Variants in RTN4R observed in about 807,000 individuals in gnomAD.
The protein encoded by RTN4R is reticulon-4 receptor.
RTN4R carries 4 observed loss-of-function variants against 27.7 expected under a neutral mutation model. The observed-to-expected ratio is 0.14, with a 90% CI of 0.07 to 0.33. The LOEUF (loss-of-function observed/expected upper bound fraction) is 0.33. Ranked by LOEUF, RTN4R falls within the 10% of genes least tolerant of loss-of-function variation. The pLI is 1.00. For missense variants in RTN4R, 554 were observed against 671.5 expected, an observed-to-expected ratio of 0.83 and a Z score of 1.93; for synonymous variants, 290 against 305.6, an observed-to-expected ratio of 0.95 and a Z score of 0.53.
intron 1 of RTN4R, among the ~76,000 whole-genome samples, chr22:20,253,591 G>A (rs931016465): frequency 1.3e-5 from 2 of 152,180 alleles, no homozygotes; most frequent in African/African-American, 4.8e-5. Context: ...CAGCCAACCA[G>A]CTTCCCTCAT....
At chr22:20,248,393 C>A (rs544091445) in intron 1 of RTN4R, among the ~76,000 whole-genome samples, 1 of 152,306 alleles carries the variant, frequency 6.6e-6, no homozygotes, top group Admixed American at 6.5e-5. Flanking sequence ...CTGTTTCCAG[C>A]CAGCAGGGCA....
At chr22:20,251,564 GCATCATCAC>G (rs1382425859) in intron 1 of RTN4R, among the ~76,000 whole-genome samples, 1 of 135,252 alleles carries the variant, frequency 7.4e-6, no homozygotes. Context: ...ATCAGCAGCA[GCATCATCAC>G]CATCATCACC....
intron 1 of RTN4R, among the ~76,000 whole-genome samples, chr22:20,248,358 C>T (rs374774779): frequency 2.6e-5 from 4 of 152,174 alleles, no homozygotes; most frequent in African/African-American, 7.2e-5. Context: ...CAGCCACCCC[C>T]GCTCCTAACC....
intron 1 of RTN4R, among the ~76,000 whole-genome samples, chr22:20,244,021 C>A (rs944384568): frequency 6.6e-6 from 1 of 152,216 alleles, no homozygotes; most frequent in Non-Finnish European, 1.5e-5. Flanking sequence ...CCGGAGTAAG[C>A]TTTCCTGCCT....
In RTN4R at chr22:20,247,115, G is replaced by A. The variant is rs148235985; in HGVS notation, c.23-4005C>T. ...GGCCACGTGCAGAGGGGCAGGCAGC[G>A]CCCTCCTGTGTCATGGGTGGCCGGG... On this transcript the variant is annotated intron_variant, in intron 1 of 1. Coordinates refer to ENST00000043402, the MANE Select transcript of RTN4R (RefSeq NM_023004.6). Among the ~76,000 whole-genome samples the A allele has an allele frequency of 2.5e-3, 384 of 152,140 alleles. 1 individual carries two copies. Among genetic ancestry groups the A allele is most frequent in the African/African-American group, 8.4e-3 (349 of 41,508 alleles).
At chr22:20,248,161 A>G (rs2051153336) in intron 1 of RTN4R, among the ~76,000 whole-genome samples, 1 of 152,228 alleles carries the variant, frequency 6.6e-6, no homozygotes, top group Admixed American at 6.5e-5. Context: ...AACACAATCC[A>G]AGGTCAAATC....
chr22:20,251,248 G>GA (rs144718685), intron 1 of RTN4R, among the ~76,000 whole-genome samples: 3,507 of 152,242 alleles, frequency 0.023, 146 homozygotes, highest in African/African-American at 0.08. Context: ...TACTTCCCAG[G>GA]ACATCAGGAT....
intron 1 of RTN4R, among the ~76,000 whole-genome samples, chr22:20,250,144 C>T (rs1186674378): frequency 6.6e-6 from 1 of 152,236 alleles, no homozygotes; most frequent in Non-Finnish European, 1.5e-5. Context: ...ATTGGAATTC[C>T]CCCAGCCAAG....
At chr22:20,261,732 G>T (rs1325867110) in intron 1 of RTN4R, among the ~76,000 whole-genome samples, 1 of 152,248 alleles carries the variant, frequency 6.6e-6, no homozygotes. Context: ...CTCCCTGCCA[G>T]TGTGGCTGTC....
At chr22:20,259,315 G>A (rs2051231074) in intron 1 of RTN4R, among the ~76,000 whole-genome samples, 1 of 152,202 alleles carries the variant, frequency 6.6e-6, no homozygotes, top group Non-Finnish European at 1.5e-5. Context: ...TCTTTATGGG[G>A]AGAGTTTTTC....
rs1468925324 is a variant in RTN4R, at chr22:20,255,332, G to C, written c.23-12222C>G. Among the ~76,000 whole-genome samples the C allele has an allele frequency of 6.6e-6, 1 of 152,180 alleles. No homozygotes were observed. The highest frequency in any genetic ancestry group is 2.4e-5 in the African/African-American group (1 of 41,438). On this transcript the variant is annotated intron_variant, in intron 1 of 1. Coordinates refer to ENST00000043402, the MANE Select transcript of RTN4R (RefSeq NM_023004.6). The surrounding 1 kb of genome is among the most constrained non-coding windows in gnomAD (Gnocchi z 4.8). ...GGAGACAAATGTAGGTTAGAAGCAG[G>C]TGTCTCCAAGGTGCAGGAGGAGAGC...
Position 20,242,386 on chromosome 22 carries a change from C to A in RTN4R, c.747G>T (p.Leu249=). Residue 249 remains leucine, a synonymous_variant, in exon 2 of 2, where the codon CTG becomes CTT. Transcript: ENST00000043402. Reference sequence around the variant, plus strand: ...TGAGCCTCAGGTACTGCAGGGCACGCAGGGGGGCCAGGGCCTCAGTGGGCA... The same window carrying A: ...TGAGCCTCAGGTACTGCAGGGCACGAAGGGGGGCCAGGGCCTCAGTGGGCA... The part of the protein sequence containing the change: ...SALPTEALAP[L]RALQYLRLND... The A allele has an allele frequency of 6.2e-7, 1 of 1,613,064 alleles. No homozygotes were observed.
chr22:20,248,859 A>C (rs1280272442), intron 1 of RTN4R, among the ~76,000 whole-genome samples: 3 of 152,102 alleles, frequency 2.0e-5, no homozygotes, highest in African/African-American at 4.8e-5. Flanking sequence ...GGCCTCGAGG[A>C]TTCATCTTTG....
intron 1 of RTN4R, among the ~76,000 whole-genome samples, chr22:20,259,201 C>T (rs2051230190): frequency 6.6e-6 from 1 of 152,202 alleles, no homozygotes; most frequent in African/African-American, 2.4e-5. Flanking sequence ...GGGGACCGGC[C>T]TCCGCTCCGG....
At chr22:20,250,172 G>A (rs898334414) in intron 1 of RTN4R, among the ~76,000 whole-genome samples, 12 of 152,254 alleles carry the variant, frequency 7.9e-5, no homozygotes, top group East Asian at 1.9e-4. Flanking sequence ...CTCCGTGTCC[G>A]GGGGCCAGAG....
intron 1 of RTN4R, among the ~76,000 whole-genome samples, chr22:20,247,561 G>A (rs2051149298): frequency 6.7e-6 from 1 of 149,890 alleles, no homozygotes; most frequent in South Asian, 2.1e-4. Flanking sequence ...ACAGACACGT[G>A]CAGGGGCAGC....
At chr22:20,243,583 G>A (rs917448821) in intron 1 of RTN4R, 2 of 430,736 alleles carry the variant, frequency 4.6e-6, no homozygotes, top group Admixed American at 5.4e-5. Flanking sequence ...TCAAAAACGG[G>A]CGCCTGGATG....
rs1022720301 is a variant in RTN4R at position 20,242,932 on chromosome 22, G to A, written c.201C>T (p.Asn67=). Residue 67 remains asparagine (N), a synonymous_variant, in exon 2 of 2, where the codon AAC becomes AAT. Transcript: ENST00000043402. The part of the protein sequence containing the change: ...AASQRIFLHG[N]RISHVPAASF... ...TGGCAGCTGGCACATGCGAGATGCG[G>A]TTGCCGTGCAGGAAGATGCGCTGGC... 1.2e-6 allele frequency: 2 copies of A among 1,612,160 alleles called. No individual in the cohort carries two copies. Among genetic ancestry groups the A allele is most frequent in the African/African-American group, 1.3e-5 (1 of 74,942 alleles).
At chr22:20,265,254 T>C (rs2051270566) in intron 1 of RTN4R, among the ~76,000 whole-genome samples, 1 of 152,088 alleles carries the variant, frequency 6.6e-6, no homozygotes, top group Admixed American at 6.5e-5. Flanking sequence ...GAGAGCACGG[T>C]CCCACACACC....
Sources: allele counts gnomAD v4.1 joint callset (sites outside exome capture counted in the v4.1 genomes callset), GRCh38; gene constraint gnomAD v4.1.1; non-coding constraint Gnocchi (gnomAD v3.1); transcripts MANE v1.5; gene names NCBI Gene and HGNC (gene_info 2026-07-23, HGNC 2026-07-21).